Variants in UPF1 observed in about 807,000 individuals in gnomAD.
UPF1 encodes UPF1 RNA helicase and ATPase.
Under a neutral mutation model 129.2 loss-of-function variants are expected in UPF1, and 9 were observed. The observed-to-expected ratio is 0.07, with a 90% CI of 0.04 to 0.12. UPF1 has a LOEUF of 0.12. Among genes scored for constraint, UPF1 ranks in the 10% least tolerant of loss-of-function variants. The probability of loss-of-function intolerance (pLI) is 1.00; values close to 1 mark genes in which losing one functional copy is unlikely to be tolerated. For missense variants in UPF1, 788 were observed against 1,525.3 expected, an observed-to-expected ratio of 0.52 and a Z score of 8.05; for synonymous variants, 649 against 644.9, an observed-to-expected ratio of 1.01 and a Z score of -0.10.
At chr19:18,854,851 T>A in intron 9 of UPF1, 28 bp from the exon 10 acceptor site, 1 of 1,612,892 alleles carries the variant, frequency 6.2e-7, no homozygotes, top group Non-Finnish European at 8.5e-7. Context: ...CAGCTGTGCG[T>A]GTCGCCAACC....
At position 18,853,170 on chromosome 19, in the gene UPF1, A is replaced by C. The variant is rs2055678595; in HGVS notation, c.1058-82A>C. On this transcript the variant is annotated intron_variant, in intron 7 of 23. Coordinates refer to ENST00000262803, the MANE Select transcript of UPF1 (RefSeq NM_002911.4). This position sits in a 1 kb window ranked among gnomAD's most constrained non-coding sequence, Gnocchi z 4.4. The stretch of plus-strand genomic sequence containing the variant: ...TAAATTCCTAGTTCCACCCTTGTAA[A>C]GTGCCCCTTAATTTGAACTCTCCCT... 1.9e-6 allele frequency: 3 copies of C among 1,595,328 alleles called. No homozygotes were observed. In the South Asian group the frequency reaches 3.3e-5, roughly 18 times the overall value.
chr19:18,846,071 A>G lies in UPF1; in HGVS notation c.323A>G (p.Asp108Gly), dbSNP rs2055594703. 6.2e-7 allele frequency: 1 copy of G among 1,614,068 alleles called. No individual in the cohort carries two copies. The highest frequency in any genetic ancestry group is 1.3e-5 in the African/African-American group (1 of 74,936). The change falls in exon 2 of 24, where the codon GAT becomes GGT. Residue 108 changes from aspartate to glycine, a missense_variant. Asp to Gly is a moderately conservative substitution (Grantham distance 94). This residue lies in a region of UPF1 where 227 missense variants were observed against 517.9 expected (regional missense o/e 0.44). Transcript: ENST00000262803. ...TTGGCTGAGTTGAACTTCGAGGAAG[A>G]TGAAGAAGACACCTATTACACGAAG... ...QLLAELNFEE[D>G]EEDTYYTKDL...
rs568709000 is a variant in UPF1 at position 18,866,962 on chromosome 19, C to G, written c.*445C>G. The G allele has an allele frequency of 2.0e-5, 3 of 152,606 alleles. No homozygotes were observed. The highest frequency in any genetic ancestry group is 7.2e-5 in the African/African-American group (3 of 41,474). 9.5% of individuals were successfully genotyped at this position (152,606 alleles called of 1,614,324 possible). On this transcript the variant is annotated 3_prime_UTR_variant, in exon 24 of 24. Transcript: ENST00000262803. The stretch of plus-strand genomic sequence containing the variant: ...AGACAGCAGCGTGCGGGGCAGAGCC[C>G]CGGGAGGGCGCGTCTGTCCACGCCT...
chr19:18,864,733 G>GTTTTTTTTTTTTTTTTTTTTT (rs10682791), intron 20 of UPF1, among the ~76,000 whole-genome samples: 2 of 73,568 alleles, frequency 2.7e-5, no homozygotes, highest in Non-Finnish European at 4.8e-5. Context: ...ATTTGCAGGT[G>GTTTTTTTTTTTTTTTTTTTTT]TTTTTTTTTT....
chr19:18,843,515 TTTG>T (rs1299074039), intron 1 of UPF1, among the ~76,000 whole-genome samples: 1 of 85,060 alleles, frequency 1.2e-5, no homozygotes, highest in Non-Finnish European at 2.5e-5. Context: ...AGTGACTTTC[TTTG>T]TTTTTTTTTT....
At chr19:18,835,535 G>T (rs1291455067) in intron 1 of UPF1, among the ~76,000 whole-genome samples, 1 of 152,172 alleles carries the variant, frequency 6.6e-6, no homozygotes, top group Non-Finnish European at 1.5e-5. Flanking sequence ...TAGAGACGGG[G>T]TTTCACCATG....
intron 15 of UPF1, 88 bp downstream of exon 15, chr19:18,857,621 C>G (rs2055732795): frequency 1.4e-6 from 2 of 1,415,172 alleles, no homozygotes; most frequent in African/African-American, 2.9e-5. Flanking sequence ...GGCCCATCAG[C>G]TTCCCCTGAG....
rs1276872385 is a variant in UPF1 at position 18,853,242 on chromosome 19, T to C, written c.1058-10T>C. 28 of 1,607,092 alleles carry C rather than the reference T, an allele frequency of 1.7e-5. No individual in the cohort carries two copies. Among genetic ancestry groups the C allele is most frequent in the Non-Finnish European group, 2.4e-5 (28 of 1,175,816 alleles). On this transcript the variant is annotated splice_polypyrimidine_tract_variant and intron_variant, in intron 7 of 23. Transcript: ENST00000262803. The surrounding 1 kb of genome is among the most constrained non-coding windows in gnomAD (Gnocchi z 4.4). ...TAAAATGGCCACCTCTCTCACTTTTTTACCTCAAGACATGCGGCTCATGCA... is the reference window on the plus strand; with the variant it reads ...TAAAATGGCCACCTCTCTCACTTTTCTACCTCAAGACATGCGGCTCATGCA...
At chr19:18,857,144 TGA>T in intron 14 of UPF1, 124 bp downstream of exon 14, 1 of 1,513,852 alleles carries the variant, frequency 6.6e-7, no homozygotes. Flanking sequence ...GGGGGCTCCC[TGA>T]GGGGTTTATA....
At position 18,867,858 on chromosome 19, in the gene UPF1, C is replaced by A. The variant is rs2055874157; in HGVS notation, c.*1341C>A. On this transcript the variant is annotated 3_prime_UTR_variant, in exon 24 of 24. Coordinates refer to ENST00000262803, the MANE Select transcript of UPF1 (RefSeq NM_002911.4). ...CCTGGGGCTGTCACTGGCCCTGATCCGAACACCTCCAGATTCCGGCTTCTA... is the reference window on the plus strand; with the variant it reads ...CCTGGGGCTGTCACTGGCCCTGATCAGAACACCTCCAGATTCCGGCTTCTA... The A allele has an allele frequency of 6.6e-6, 1 of 152,314 alleles. No individual in the cohort carries two copies. The highest frequency in any genetic ancestry group is 1.5e-5 in the Non-Finnish European group (1 of 68,112). 9.4% of individuals were successfully genotyped at this position (152,314 alleles called of 1,614,324 possible).
At chr19:18,856,157 G>A in intron 12 of UPF1, 29 bp from the exon 13 acceptor site, 1 of 1,605,600 alleles carries the variant, frequency 6.2e-7, no homozygotes, top group Non-Finnish European at 8.5e-7. Context: ...CAGAACTCAG[G>A]CACCCTGCTG....
chr19:18,845,950 T>G (rs777955018), intron 1 of UPF1, 30 bp from the exon 2 acceptor site: 1 of 1,611,804 alleles, frequency 6.2e-7, no homozygotes, highest in South Asian at 1.1e-5. Flanking sequence ...AGCTGCAGCC[T>G]CACTCAGGTG....
At chr19:18,857,707 G>C (rs1055772096) in intron 15 of UPF1, among the ~76,000 whole-genome samples, 174 bp downstream of exon 15, 2 of 152,340 alleles carry the variant, frequency 1.3e-5, no homozygotes, top group South Asian at 4.1e-4. Flanking sequence ...TGGATCAAGT[G>C]GTGTCTCTGG....
chr19:18,864,595 T>C (rs949369727), intron 20 of UPF1, among the ~76,000 whole-genome samples: 11 of 151,340 alleles, frequency 7.3e-5, no homozygotes, highest in Non-Finnish European at 1.5e-5. Flanking sequence ...ATTTATTTTC[T>C]TTTTTTTGTT....
At chr19:18,849,901 G>T in intron 3 of UPF1, 174 bp from the exon 4 acceptor site, 1 of 712,592 alleles carries the variant, frequency 1.4e-6, no homozygotes, top group Non-Finnish European at 2.3e-6. Context: ...TTTGTGCTCA[G>T]TGGGGAGCTA....
chr19:18,845,997 C>T lies in UPF1; in HGVS notation c.249C>T (p.Ile83=). ...QLDAQVGPEG[I]LQNGAVDDSV... ...TGCTGCAGGTTGGGCCCGAAGGCAT[C>T]CTGCAGAACGGGGCTGTGGACGACA... Residue 83 remains isoleucine (I), a synonymous_variant, in exon 2 of 24, where the codon ATC becomes ATT. Coordinates refer to ENST00000262803, the MANE Select transcript of UPF1 (RefSeq NM_002911.4). 1 of 1,614,104 alleles carries T rather than the reference C, an allele frequency of 6.2e-7. No individual in the cohort carries two copies. The highest frequency in any genetic ancestry group is 2.2e-5 in the East Asian group (1 of 44,888).
chr19:18,854,772 C>T, intron 9 of UPF1, 63 bp downstream of exon 9: 2 of 1,605,282 alleles, frequency 1.2e-6, no homozygotes, highest in Non-Finnish European at 1.7e-6. Flanking sequence ...CTTTATGAGC[C>T]CTCCCCGTCA....
rs201603251 is a variant in UPF1 at position 18,856,900 on chromosome 19, A to G, written c.1848A>G (p.Thr616=). The G allele has an allele frequency of 1.7e-4, 270 of 1,611,792 alleles. No individual in the cohort carries two copies. In the East Asian group the frequency reaches 5.5e-3, roughly 33 times the overall value. Residue 616 remains threonine (T), a synonymous_variant, in exon 14 of 24, where the codon ACA becomes ACG. Transcript: ENST00000262803. Reference sequence around the variant, plus strand: ...AGAACGCAGATGTCATCTGCTGCACATGTGTGGGCGCCGGTGACCCGAGGC... The same window carrying G: ...AGAACGCAGATGTCATCTGCTGCACGTGTGTGGGCGCCGGTGACCCGAGGC... The part of the protein sequence containing the change: ...LLMNADVICC[T]CVGAGDPRLA...
Position 18,853,907 on chromosome 19 carries a change from C to G in UPF1, c.1156+557C>G, listed in dbSNP as rs1426173090. On this transcript the variant is annotated intron_variant, in intron 8 of 23. Coordinates refer to ENST00000262803, the MANE Select transcript of UPF1 (RefSeq NM_002911.4). This position sits in a 1 kb window ranked among gnomAD's most constrained non-coding sequence, Gnocchi z 4.4. ...GGGAGAAGACACCGCGGGTCAGACT[C>G]AGGCTGCCTCTTGGTGACTGGCCAA... Among the ~76,000 whole-genome samples, 2 of 152,174 alleles carry G rather than the reference C, an allele frequency of 1.3e-5. No homozygotes were observed. The highest frequency in any genetic ancestry group is 2.9e-5 in the Non-Finnish European group (2 of 68,038).
Sources: gnomAD v4.1 joint callset for allele counts (sites outside exome capture counted in the v4.1 genomes callset) on GRCh38, gnomAD v4.1.1 for gene constraint, gnomAD v4.1.1 regional missense constraint, Gnocchi (gnomAD v3.1) non-coding constraint, MANE v1.5 for transcripts, NCBI Gene and HGNC (gene_info 2026-07-23, HGNC 2026-07-21) for gene names.